Variants in CSNK1G1 observed in about 807,000 individuals in gnomAD.
CSNK1G1 encodes the protein casein kinase 1 gamma 1, also known as casein kinase I isoform gamma-1.
CSNK1G1 carries 22 observed loss-of-function variants against 59.6 expected under a neutral mutation model. The ratio of observed to expected loss-of-function variants is 0.37; its 90% CI spans 0.26 to 0.53. The LOEUF (loss-of-function observed/expected upper bound fraction) is 0.53. CSNK1G1 is among the 20% of genes least tolerant of loss of function. CSNK1G1 has a pLI of 0.89. For synonymous variants in CSNK1G1, 179 were observed against 177.1 expected (o/e 1.01, Z -0.08); for missense variants, 384 against 519.5 (o/e 0.74, Z 2.54).
At chr15:64,304,071 A>T (rs1316142367) in intron 1 of CSNK1G1, among the ~76,000 whole-genome samples, 1 of 152,148 alleles carries the variant, frequency 6.6e-6, no homozygotes, top group Non-Finnish European at 1.5e-5. Context: ...TGCATGGGAC[A>T]TAAGCATTGT....
intron 4 of CSNK1G1, among the ~76,000 whole-genome samples, chr15:64,231,144 T>A (rs1419800035): frequency 6.6e-6 from 1 of 150,956 alleles, no homozygotes; most frequent in Non-Finnish European, 1.5e-5. Flanking sequence ...CTGGGCAACA[T>A]AGGGAGACCC....
intron 2 of CSNK1G1, among the ~76,000 whole-genome samples, chr15:64,291,775 T>G (rs1186668940): frequency 1.3e-5 from 2 of 152,152 alleles, no homozygotes; most frequent in South Asian, 2.1e-4. Context: ...TCTCATTGAC[T>G]TGGAGTGGAA....
chr15:64,192,398 A>G (rs2081983959), intron 10 of CSNK1G1, among the ~76,000 whole-genome samples: 1 of 152,238 alleles, frequency 6.6e-6, no homozygotes, highest in South Asian at 2.1e-4. Context: ...TTGGTTTACT[A>G]TGTAGTAGGT....
intron 3 of CSNK1G1, among the ~76,000 whole-genome samples, chr15:64,258,643 CA>C (rs1024920405): frequency 2.0e-5 from 3 of 151,976 alleles, no homozygotes; most frequent in Admixed American, 6.6e-5. Flanking sequence ...TATTAGTCCT[CA>C]AAAATAATAA....
intron 1 of CSNK1G1, among the ~76,000 whole-genome samples, chr15:64,341,365 C>T (rs904366968): frequency 1.3e-5 from 2 of 152,104 alleles, no homozygotes; most frequent in African/African-American, 4.8e-5. Flanking sequence ...GTCTCAATCT[C>T]CTGACCTCAT....
chr15:64,213,448 G>A (rs2082273392), intron 6 of CSNK1G1, among the ~76,000 whole-genome samples: 1 of 152,150 alleles, frequency 6.6e-6, no homozygotes, highest in African/African-American at 2.4e-5. Context: ...TAAGACAGAA[G>A]CTCTTCCTTG....
chr15:64,340,130 G>A (rs1225661172), intron 1 of CSNK1G1, among the ~76,000 whole-genome samples: 1 of 152,112 alleles, frequency 6.6e-6, no homozygotes, highest in Admixed American at 6.5e-5. Flanking sequence ...CGAAGGTTTG[G>A]TCTATAGAAT....
At chr15:64,326,592 T>C (rs1425698288) in intron 1 of CSNK1G1, among the ~76,000 whole-genome samples, 1 of 150,638 alleles carries the variant, frequency 6.6e-6, no homozygotes, top group Non-Finnish European at 1.5e-5. Flanking sequence ...TGCAGGGAGC[T>C]GAGATCACGC....
chr15:64,235,264 G>A (rs1399534542), intron 4 of CSNK1G1, among the ~76,000 whole-genome samples: 1 of 152,170 alleles, frequency 6.6e-6, no homozygotes, highest in East Asian at 1.9e-4. Flanking sequence ...AATTTAAATA[G>A]ATGCTGTTAT....
intron 1 of CSNK1G1, among the ~76,000 whole-genome samples, chr15:64,319,387 G>C (rs1896440532): frequency 6.6e-6 from 1 of 151,504 alleles, no homozygotes; most frequent in Non-Finnish European, 1.5e-5. Flanking sequence ...AAGGATATCA[G>C]GCATCCTGAG....
At chr15:64,266,725 C>T (rs994573485) in intron 2 of CSNK1G1, among the ~76,000 whole-genome samples, 1 of 152,148 alleles carries the variant, frequency 6.6e-6, no homozygotes, top group Non-Finnish European at 1.5e-5. Context: ...TTACAGGTAA[C>T]TGATTTTCGA....
chr15:64,302,418 A>G (rs996235019), intron 1 of CSNK1G1, among the ~76,000 whole-genome samples: 2 of 152,040 alleles, frequency 1.3e-5, no homozygotes, highest in South Asian at 4.1e-4. Flanking sequence ...GCTTTATTAT[A>G]GTTTAAATAA....
At chr15:64,231,789 A>T (rs1310352867) in intron 4 of CSNK1G1, among the ~76,000 whole-genome samples, 1 of 152,186 alleles carries the variant, frequency 6.6e-6, no homozygotes, top group Non-Finnish European at 1.5e-5. Flanking sequence ...GCATTTTAAA[A>T]ATATATATAA....
intron 4 of CSNK1G1, among the ~76,000 whole-genome samples, chr15:64,227,553 T>C (rs1338740680): frequency 6.6e-6 from 1 of 152,234 alleles, no homozygotes; most frequent in Non-Finnish European, 1.5e-5. Flanking sequence ...ATCTAAATCA[T>C]CTAATATGAA....
intron 5 of CSNK1G1, among the ~76,000 whole-genome samples, chr15:64,215,359 C>T (rs1170515306): frequency 6.6e-6 from 1 of 151,898 alleles, no homozygotes; most frequent in Non-Finnish European, 1.5e-5. Context: ...ACTAAAGGCG[C>T]TCGCCACCAC....
chr15:64,351,836 G>C (rs960618179), intron 1 of CSNK1G1, among the ~76,000 whole-genome samples: 2 of 152,102 alleles, frequency 1.3e-5, no homozygotes, highest in African/African-American at 2.4e-5. Flanking sequence ...CTGAGCCTGG[G>C]CACTCCAGCC....
rs145043449 is a variant in CSNK1G1 at position 64,346,543 on chromosome 15, C to T, written c.-225+9445G>A. Among the ~76,000 whole-genome samples, 591 of 151,778 alleles carry T rather than the reference C, an allele frequency of 3.9e-3. 4 individuals carry two copies. The highest frequency in any genetic ancestry group is 0.014 in the African/African-American group (569 of 41,392). ...TGCGATCTCAGCTCACTGCAAATTCCGCCTCCCAGGTTCAAGTGATTCTCC... is the reference window on the plus strand; with the variant it reads ...TGCGATCTCAGCTCACTGCAAATTCTGCCTCCCAGGTTCAAGTGATTCTCC... On this transcript the variant is annotated intron_variant, in intron 1 of 11. Transcript: ENST00000303052.
At chr15:64,249,141 T>C (rs1363744001) in intron 4 of CSNK1G1, among the ~76,000 whole-genome samples, 5 of 152,040 alleles carry the variant, frequency 3.3e-5, no homozygotes, top group Non-Finnish European at 4.4e-5. Flanking sequence ...ATAATAAATA[T>C]ATAAATAAAT....
intron 10 of CSNK1G1, among the ~76,000 whole-genome samples, chr15:64,201,522 A>G (rs185340508): frequency 1.4e-3 from 208 of 152,304 alleles, no homozygotes; most frequent in Non-Finnish European, 2.5e-3. Context: ...TATGGACCCA[A>G]TTAGTGCCCA....
Sources: allele counts gnomAD v4.1 joint callset (sites outside exome capture counted in the v4.1 genomes callset), GRCh38; gene constraint gnomAD v4.1.1; transcripts MANE v1.5; gene names NCBI Gene and HGNC (gene_info 2026-07-23, HGNC 2026-07-21).